WWP1: variants seen among roughly 807,000 people sequenced by gnomAD.
The protein encoded by WWP1 is WW domain containing E3 ubiquitin protein ligase 1.
Under a neutral mutation model 130.6 loss-of-function variants are expected in WWP1, and 49 were observed. The ratio of observed to expected loss-of-function variants is 0.38; its 90% CI spans 0.30 to 0.48. The LOEUF is 0.48. Among genes scored for constraint, WWP1 ranks in the 20% least tolerant of loss-of-function variants. The pLI is 0.99. For synonymous variants in WWP1, 332 were observed against 367.8 expected, an observed-to-expected ratio of 0.90 and a Z score of 1.11; for missense variants, 809 against 1,100.6, an observed-to-expected ratio of 0.74 and a Z score of 3.75.
rs1324975965 is a variant in WWP1 at position 86,431,680 on chromosome 8, A to G, written c.1538A>G (p.Tyr513Cys). The change falls in exon 14 of 25, where the codon TAC becomes TGC. Residue 513 changes from tyrosine (Y) to cysteine (C), a missense_variant. This residue lies in a region of WWP1 where 450 missense variants were observed against 674.2 expected (regional missense o/e 0.67). Coordinates refer to ENST00000517970, the MANE Select transcript of WWP1 (RefSeq NM_007013.4). ...EIRYTREGVR[Y>C]FVDHNTRTTT... is the part of the protein sequence containing the mutation. ...AGATATACTCGTGAAGGTGTAAGGTACTTTGTTGATCATAACACAAGAACA... is the reference window on the plus strand; with the variant it reads ...AGATATACTCGTGAAGGTGTAAGGTGCTTTGTTGATCATAACACAAGAACA... 1 of 1,614,062 alleles carries G rather than the reference A, an allele frequency of 6.2e-7. No homozygotes were observed. Among genetic ancestry groups the G allele is most frequent in the Non-Finnish European group, 8.5e-7 (1 of 1,179,944 alleles).
At chr8:86,364,862 A>AG (rs1823877442) in intron 1 of WWP1, among the ~76,000 whole-genome samples, 2 of 151,470 alleles carry the variant, frequency 1.3e-5, no homozygotes, top group African/African-American at 2.4e-5. Context: ...AGAGAGAAAG[A>AG]AGAAAGAGAG....
chr8:86,417,550 A>T (rs1808958124), intron 9 of WWP1, among the ~76,000 whole-genome samples: 1 of 152,226 alleles, frequency 6.6e-6, no homozygotes, highest in Non-Finnish European at 1.5e-5. Flanking sequence ...GATCTAAAAG[A>T]TCAGTGACTA....
At chr8:86,445,567 A>G (rs1259677685) in intron 18 of WWP1, among the ~76,000 whole-genome samples, 3 of 152,156 alleles carry the variant, frequency 2.0e-5, no homozygotes, top group Non-Finnish European at 4.4e-5. Flanking sequence ...ATTGATGGGC[A>G]CCTGGATTTA....
intron 1 of WWP1, among the ~76,000 whole-genome samples, chr8:86,356,476 A>G (rs968011902): frequency 7.9e-5 from 12 of 151,098 alleles, no homozygotes; most frequent in African/African-American, 1.7e-4. Context: ...AATCTTTGGT[A>G]TTTGGTATAA....
rs1456596220 is a variant in WWP1 at position 86,466,917 on chromosome 8, G to C, written c.*24G>C. The C allele has an allele frequency of 1.3e-6, 2 of 1,570,596 alleles. No homozygotes were observed. The highest frequency in any genetic ancestry group is 8.7e-7 in the Non-Finnish European group (1 of 1,147,538). ...GAATGTGGCTTCTTATTTTGGAGGAGCTCTTGCATTTAAATACCCCAGCCA... is the reference window on the plus strand; with the variant it reads ...GAATGTGGCTTCTTATTTTGGAGGACCTCTTGCATTTAAATACCCCAGCCA... On this transcript the variant is annotated 3_prime_UTR_variant, in exon 25 of 25. Coordinates refer to ENST00000517970, the MANE Select transcript of WWP1 (RefSeq NM_007013.4).
At chr8:86,356,959 A>G (rs1823295841) in intron 1 of WWP1, among the ~76,000 whole-genome samples, 1 of 152,204 alleles carries the variant, frequency 6.6e-6, no homozygotes, top group Non-Finnish European at 1.5e-5. Flanking sequence ...CTAGTTTGTA[A>G]TGGATAGCTT....
chr8:86,386,328 G>A (rs986972913), intron 5 of WWP1, among the ~76,000 whole-genome samples: 1 of 152,134 alleles, frequency 6.6e-6, no homozygotes, highest in Admixed American at 6.5e-5. Flanking sequence ...AGGATCTCTT[G>A]AGGCCCAGAG....
Position 86,423,820 on chromosome 8 carries a change from C to G in WWP1, c.1062-1403C>G, listed in dbSNP as rs879276454. On this transcript the variant is annotated intron_variant, in intron 9 of 24. Coordinates refer to ENST00000517970, the MANE Select transcript of WWP1 (RefSeq NM_007013.4). ...GCGGCCGGGCAGAGGCGCCCCCCCC[C>G]CACCTCCCGGACGGGGCGGCGGCTG... is the stretch of plus-strand genomic sequence containing the variant. 2.5e-3 allele frequency among the ~76,000 whole-genome samples: 373 copies of G among 147,226 alleles called. 2 individuals carry two copies. The highest frequency in any genetic ancestry group is 3.5e-3 in the Non-Finnish European group (234 of 66,458).
intron 1 of WWP1, among the ~76,000 whole-genome samples, chr8:86,357,033 A>T (rs907884237): frequency 6.6e-6 from 1 of 152,240 alleles, no homozygotes; most frequent in Non-Finnish European, 1.5e-5. Flanking sequence ...TTGCAACTTT[A>T]TAAAAGTCTA....
chr8:86,433,548 T>A (rs1191679060), intron 14 of WWP1, among the ~76,000 whole-genome samples: 1 of 141,276 alleles, frequency 7.1e-6, no homozygotes, highest in Non-Finnish European at 1.5e-5. Flanking sequence ...AGCTAGTCTC[T>A]AAAAAAAAAA....
rs1212190531 is a variant in WWP1 at position 86,435,511 on chromosome 8, T to TC, written c.1663dup (p.Arg555ProfsTer7). The TC allele has an allele frequency of 6.2e-7, 1 of 1,614,184 alleles. No homozygotes were observed. The highest frequency in any genetic ancestry group is 8.5e-7 in the Non-Finnish European group (1 of 1,180,038). On this transcript the variant is annotated frameshift_variant, in exon 15 of 25. Transcript: ENST00000517970. LOFTEE classifies it high-confidence loss of function. ...GGCTTTAGGTGGAAGCTTGCTCACT[T>TC]CCGTTATTTGTGCCAGGTACTATAG...
At chr8:86,407,079 G>T (rs6992944) in intron 8 of WWP1, among the ~76,000 whole-genome samples, 110,984 of 152,042 alleles carry the variant, frequency 0.73, 41,379 homozygotes, top group African/African-American at 0.82. Context: ...AGGCTTGGGA[G>T]ATGTTCATTC....
At chr8:86,345,869 T>C (rs375572644) in intron 1 of WWP1, among the ~76,000 whole-genome samples, 6 of 152,240 alleles carry the variant, frequency 3.9e-5, no homozygotes, top group Non-Finnish European at 8.8e-5. Context: ...TATTTGCTAT[T>C]ATATTACACA....
chr8:86,403,364 C>T (rs549854532), intron 8 of WWP1, among the ~76,000 whole-genome samples: 7 of 152,248 alleles, frequency 4.6e-5, no homozygotes, highest in South Asian at 2.1e-4. Flanking sequence ...GGCAGGATTT[C>T]GGCTCACTGC....
intron 1 of WWP1, among the ~76,000 whole-genome samples, chr8:86,347,754 C>T (rs1822669461): frequency 6.6e-6 from 1 of 152,068 alleles, no homozygotes; most frequent in Non-Finnish European, 1.5e-5. Context: ...GTTGCTTTTA[C>T]AGATGAAGTT....
chr8:86,362,484 G>A (rs890626267), intron 1 of WWP1, among the ~76,000 whole-genome samples: 20 of 151,810 alleles, frequency 1.3e-4, no homozygotes, highest in Admixed American at 9.8e-4. Flanking sequence ...AGTGGTGAGG[G>A]CAGCAACCAA....
chr8:86,383,286 T>C (rs1316104853), intron 5 of WWP1, among the ~76,000 whole-genome samples: 1 of 152,198 alleles, frequency 6.6e-6, no homozygotes, highest in African/African-American at 2.4e-5. Context: ...TATTTAACCA[T>C]ATTCCCATTG....
At chr8:86,447,190 G>C (rs182332660) in intron 18 of WWP1, among the ~76,000 whole-genome samples, 1 of 152,334 alleles carries the variant, frequency 6.6e-6, no homozygotes, top group Non-Finnish European at 1.5e-5. Flanking sequence ...CAGGCATTGA[G>C]TAACCTGAGA....
At chr8:86,465,634 G>T (rs2130152453) in intron 24 of WWP1, among the ~76,000 whole-genome samples, 1 of 152,104 alleles carries the variant, frequency 6.6e-6, no homozygotes, top group Middle Eastern at 3.4e-3. Flanking sequence ...TAAATAATCA[G>T]GAGAAAAAAT....
Sources: allele counts gnomAD v4.1 joint callset (sites outside exome capture counted in the v4.1 genomes callset), GRCh38; gene constraint gnomAD v4.1.1; regional missense constraint gnomAD v4.1.1; transcripts MANE v1.5; gene names NCBI Gene and HGNC (gene_info 2026-07-23, HGNC 2026-07-21).